SPSB1: variants seen among roughly 807,000 people sequenced by gnomAD.
The protein encoded by SPSB1 is splA/ryanodine receptor domain and SOCS box containing 1.
A neutral mutation model predicts 21.2 loss-of-function variants in SPSB1; 8 were observed. The observed-to-expected ratio is 0.38, with a 90% CI of 0.22 to 0.68. The LOEUF (loss-of-function observed/expected upper bound fraction) is 0.68, where lower values mean the gene tolerates loss of function less well. Ranked by LOEUF, SPSB1 falls within the 30% of genes least tolerant of loss-of-function variation. The probability of loss-of-function intolerance (pLI) is 0.53; values close to 1 mark genes in which losing one functional copy is unlikely to be tolerated. For missense variants in SPSB1, 242 were observed against 377.8 expected (o/e 0.64, Z 2.98); for synonymous variants, 169 against 161.7 (o/e 1.05, Z -0.34).
chr1:9,317,812 G>A lies in SPSB1; in HGVS notation c.-150+24741G>A, dbSNP rs1188986286. ...AAGACAGTTTCAGAGCCTTATGTAG[G>A]TGATTTCCGGTGGCGAGGGAACCAA... On this transcript the variant is annotated intron_variant, in intron 1 of 2. Coordinates refer to ENST00000328089, the MANE Select transcript of SPSB1 (RefSeq NM_025106.4). The surrounding 1 kb of genome is among the most constrained non-coding windows in gnomAD (Gnocchi z 4.3). 2.0e-5 allele frequency among the ~76,000 whole-genome samples: 3 copies of A among 151,038 alleles called. No homozygotes were observed. Among genetic ancestry groups the A allele is most frequent in the Admixed American group, 6.6e-5 (1 of 15,098 alleles).
In SPSB1 at chr1:9,317,570, G is replaced by A. The variant is rs114939004; in HGVS notation, c.-150+24499G>A. On this transcript the variant is annotated intron_variant, in intron 1 of 2. Coordinates refer to ENST00000328089, the MANE Select transcript of SPSB1 (RefSeq NM_025106.4). This position sits in a 1 kb window ranked among gnomAD's most constrained non-coding sequence, Gnocchi z 4.3. ...ACTGCGGCTTCTGCCTCCCAGGCTCGGGGATCCTCACACCTCAGCCTCTTG... is the reference window on the plus strand; with the variant it reads ...ACTGCGGCTTCTGCCTCCCAGGCTCAGGGATCCTCACACCTCAGCCTCTTG... Among the ~76,000 whole-genome samples the A allele has an allele frequency of 0.011, 1,638 of 152,196 alleles. 29 individuals carry two copies. Among genetic ancestry groups the A allele is most frequent in the African/African-American group, 0.036 (1,514 of 41,520 alleles).
At chr1:9,332,086 A>T (rs1639931200) in intron 1 of SPSB1, among the ~76,000 whole-genome samples, 1 of 152,098 alleles carries the variant, frequency 6.6e-6, no homozygotes. Flanking sequence ...GAGGTGGCTG[A>T]TGCCTATAAA....
chr1:9,358,210 C>T (rs1347207989), intron 2 of SPSB1, among the ~76,000 whole-genome samples: 1 of 152,202 alleles, frequency 6.6e-6, no homozygotes, highest in East Asian at 1.9e-4. Flanking sequence ...ACACATTTCT[C>T]TTTGGAAGCC....
chr1:9,304,212 T>A (rs534471753), intron 1 of SPSB1, among the ~76,000 whole-genome samples: 1 of 152,232 alleles, frequency 6.6e-6, no homozygotes, highest in African/African-American at 2.4e-5. Flanking sequence ...ATACCATTGG[T>A]CCCCGGGGTC....
intron 1 of SPSB1, among the ~76,000 whole-genome samples, chr1:9,300,827 C>G (rs1639315748): frequency 6.6e-6 from 1 of 152,228 alleles, no homozygotes. Context: ...TTGCCCACTG[C>G]CTTCTCTCTC....
chr1:9,312,854 G>A (rs1381718831), intron 1 of SPSB1, among the ~76,000 whole-genome samples: 1 of 152,218 alleles, frequency 6.6e-6, no homozygotes, highest in Admixed American at 6.5e-5. Context: ...TGTGTGGAAG[G>A]AGTGGAGGTG....
At position 9,293,061 on chromosome 1, in the gene SPSB1, C is replaced by A. The variant is rs927937096; in HGVS notation, c.-160C>A. ...TTGGAGAGCAGCGGCGGCGGCGGCA[C>A]CCCGGGCGCGGTAGGCGGCGCGGGG... On this transcript the variant is annotated 5_prime_UTR_variant, in exon 1 of 3. Transcript: ENST00000328089. The surrounding 1 kb of genome is among the most constrained non-coding windows in gnomAD (Gnocchi z 5.1). 1.1e-5 allele frequency: 11 copies of A among 980,520 alleles called. No individual in the cohort carries two copies. The highest frequency in any genetic ancestry group is 8.8e-5 in the African/African-American group (5 of 56,576). 60.7% of individuals were successfully genotyped at this position (980,520 alleles called of 1,614,324 possible).
chr1:9,325,231 C>CCT (rs1553125834), intron 1 of SPSB1, among the ~76,000 whole-genome samples: 1 of 150,158 alleles, frequency 6.7e-6, no homozygotes, highest in East Asian at 2.0e-4. Context: ...CACCACCCCC[C>CCT]CCCCCCGCCC....
intron 1 of SPSB1, among the ~76,000 whole-genome samples, chr1:9,307,576 C>A (rs577626558): frequency 9.2e-5 from 14 of 152,218 alleles, no homozygotes; most frequent in African/African-American, 3.4e-4. Context: ...CTGGATTTCC[C>A]GTCCTGGCTC....
At chr1:9,357,153 ATGG>A (rs1640382276) in intron 2 of SPSB1, among the ~76,000 whole-genome samples, 1 of 146,366 alleles carries the variant, frequency 6.8e-6, no homozygotes, top group Non-Finnish European at 1.5e-5. Flanking sequence ...GGATGGGTGG[ATGG>A]ATGGGTGGAT....
At chr1:9,311,783 G>A (rs1639525355) in intron 1 of SPSB1, among the ~76,000 whole-genome samples, 1 of 152,108 alleles carries the variant, frequency 6.6e-6, no homozygotes, top group African/African-American at 2.4e-5. Flanking sequence ...TGTTTGGGAT[G>A]GGACCTCTAT....
At position 9,355,808 on chromosome 1, in the gene SPSB1, C is replaced by A; in HGVS notation, c.-84C>A. 6.7e-7 allele frequency: 1 copy of A among 1,503,032 alleles called. No individual in the cohort carries two copies. Among genetic ancestry groups the A allele is most frequent in the Admixed American group, 2.3e-5 (1 of 43,358 alleles). The allele number at this position is 1,503,032 out of a possible 1,614,324, so 93.1% of individuals were successfully genotyped here. A position where few individuals can be genotyped will look rare whatever the true frequency, so the allele number is the denominator to read the frequency against. On this transcript the variant is annotated 5_prime_UTR_variant, in exon 2 of 3. Transcript: ENST00000328089. ...AGCCCTCATTAGGAATTCTGTCTGG[C>A]CCCGATCAGAATACTGGAGACGAGA...
chr1:9,318,948 G>C (rs186404210), intron 1 of SPSB1, among the ~76,000 whole-genome samples: 36 of 152,278 alleles, frequency 2.4e-4, no homozygotes, highest in Middle Eastern at 3.4e-3. Context: ...CCAGTACTTT[G>C]GGAGGCTGAG....
Position 9,317,805 on chromosome 1 carries a change from T to C in SPSB1, c.-150+24734T>C, listed in dbSNP as rs926249. On this transcript the variant is annotated intron_variant, in intron 1 of 2. Coordinates refer to ENST00000328089, the MANE Select transcript of SPSB1 (RefSeq NM_025106.4). The surrounding 1 kb of genome is among the most constrained non-coding windows in gnomAD (Gnocchi z 4.3). ...GCCAGAAAAGACAGTTTCAGAGCCTTATGTAGGTGATTTCCGGTGGCGAGG... is the reference window on the plus strand; with the variant it reads ...GCCAGAAAAGACAGTTTCAGAGCCTCATGTAGGTGATTTCCGGTGGCGAGG... Among the ~76,000 whole-genome samples the C allele has an allele frequency of 0.1, 15,115 of 151,368 alleles. 1,493 individuals carry two copies. The highest frequency in any genetic ancestry group is 0.26 in the African/African-American group (10,596 of 41,166).
intron 1 of SPSB1, among the ~76,000 whole-genome samples, chr1:9,323,890 C>G (rs1209807046): frequency 6.6e-6 from 1 of 152,234 alleles, no homozygotes; most frequent in Non-Finnish European, 1.5e-5. Context: ...CCATCCCTTC[C>G]TCTTATATCT....
chr1:9,328,342 G>A lies in SPSB1; in HGVS notation c.-149-27401G>A, dbSNP rs575663847. Reference sequence around the variant, plus strand: ...AGAATGTCCCTTTTCTTCAAGTTTGGGAACTGCTAGAGTTCAGCAGAACCT... The same window carrying A: ...AGAATGTCCCTTTTCTTCAAGTTTGAGAACTGCTAGAGTTCAGCAGAACCT... On this transcript the variant is annotated intron_variant, in intron 1 of 2. Transcript: ENST00000328089. 2.3e-4 allele frequency among the ~76,000 whole-genome samples: 35 copies of A among 152,324 alleles called. 1 individual carries two copies. In the South Asian group the frequency reaches 7.2e-3, roughly 32 times the overall value.
Position 9,360,388 on chromosome 1 carries a change from G to A in SPSB1, c.694+3803G>A, listed in dbSNP as rs578119064. ...GAGAGTCACTTGGGTCAGGGGGCAC[G>A]GGAGGAGCCTGATGGAGTGGCTGGA... On this transcript the variant is annotated intron_variant, in intron 2 of 2. Coordinates refer to ENST00000328089, the MANE Select transcript of SPSB1 (RefSeq NM_025106.4). Among the ~76,000 whole-genome samples the A allele has an allele frequency of 8.5e-5, 13 of 152,334 alleles. No individual in the cohort carries two copies. In the East Asian group the frequency reaches 1.2e-3, roughly 14 times the overall value.
chr1:9,361,156 CTTTTTTTTTTTT>C (rs57871457), intron 2 of SPSB1, among the ~76,000 whole-genome samples: 17 of 102,578 alleles, frequency 1.7e-4, no homozygotes, highest in African/African-American at 7.0e-4. Context: ...CTGTCATTTT[CTTTTTTTTTTTT>C]TTTTTTTTTT....
In SPSB1 at chr1:9,363,841, C is replaced by T. The variant is rs529593977; in HGVS notation, c.695-3607C>T. Among the ~76,000 whole-genome samples, 33 of 152,286 alleles carry T rather than the reference C, an allele frequency of 2.2e-4. No individual in the cohort carries two copies. The highest frequency in any genetic ancestry group is 4.1e-4 in the Non-Finnish European group (28 of 68,022). The stretch of plus-strand genomic sequence containing the variant: ...TCAAACTCCCAAGTAGCTGGGACTA[C>T]AGGCATGCACGACCACACCCAGCTA... On this transcript the variant is annotated intron_variant, in intron 2 of 2. Transcript: ENST00000328089. This position sits in a 1 kb window ranked among gnomAD's most constrained non-coding sequence, Gnocchi z 4.5.
Sources: allele counts gnomAD v4.1 joint callset (sites outside exome capture counted in the v4.1 genomes callset), GRCh38; gene constraint gnomAD v4.1.1; non-coding constraint Gnocchi (gnomAD v3.1); transcripts MANE v1.5; gene names NCBI Gene and HGNC (gene_info 2026-07-23, HGNC 2026-07-21).